The following C15orf40 variants were observed in gnomAD, a reference collection of about 807,000 sequenced individuals.
C15orf40 encodes UPF0235 protein C15orf40.
C15orf40 carries 9 observed loss-of-function variants against 13.9 expected under a neutral mutation model. The observed-to-expected ratio is 0.65, with a 90% CI of 0.39 to 1.13. The LOEUF (loss-of-function observed/expected upper bound fraction) is 1.13. Among genes scored for constraint, C15orf40 ranks in the 50% most tolerant of loss-of-function variants. The pLI is 0.01. For synonymous variants in C15orf40, 95 were observed against 69.2 expected, an observed-to-expected ratio of 1.37 and a Z score of -1.85; for missense variants, 225 against 188.5, an observed-to-expected ratio of 1.19 and a Z score of -1.13.
chr15:83,004,388 A>G lies in C15orf40; in HGVS notation c.*1209T>C, dbSNP rs974347318. On this transcript the variant is annotated 3_prime_UTR_variant, in exon 4 of 4. Transcript: ENST00000304177. ...TGGACAAAGCGCACAACTGCAGATC[A>G]GCTCTCCTGATCAGCAAAGGAAATT... 1 of 983,490 alleles carries G rather than the reference A, an allele frequency of 1.0e-6. No individual in the cohort carries two copies. The highest frequency in any genetic ancestry group is 1.7e-5 in the African/African-American group (1 of 57,228). 60.9% of individuals were successfully genotyped at this position (983,490 alleles called of 1,614,324 possible). A position where few individuals can be genotyped will look rare whatever the true frequency, so the allele number is the denominator to read the frequency against.
chr15:83,001,374 T>G lies in C15orf40; in HGVS notation c.*4223A>C. On this transcript the variant is annotated 3_prime_UTR_variant, in exon 4 of 4. Coordinates refer to ENST00000304177, the MANE Select transcript of C15orf40 (RefSeq NM_144597.3). ...TGTTTGCACAAGTAATTATCATTTA[T>G]TAAGGTGCGGGTGATAGATGACAGA... 1.2e-6 allele frequency: 1 copy of G among 861,974 alleles called. No homozygotes were observed. Among genetic ancestry groups the G allele is most frequent in the Non-Finnish European group, 1.4e-6 (1 of 717,540 alleles). The allele number at this position is 861,974 out of a possible 1,614,324, so 53.4% of individuals were successfully genotyped here.
Position 83,003,759 on chromosome 15 carries a change from CTTTT to C in C15orf40, c.*1834_*1837del, listed in dbSNP as rs1016936822. 7.2e-5 allele frequency: 11 copies of C among 152,008 alleles called. No homozygotes were observed. Among genetic ancestry groups the C allele is most frequent in the Admixed American group, 3.3e-4 (5 of 15,246 alleles). The allele number at this position is 152,008 out of a possible 1,614,324, so 9.4% of individuals were successfully genotyped here. A position where few individuals can be genotyped will look rare whatever the true frequency, so the allele number is the denominator to read the frequency against. On this transcript the variant is annotated 3_prime_UTR_variant, in exon 4 of 4. Coordinates refer to ENST00000304177, the MANE Select transcript of C15orf40 (RefSeq NM_144597.3). ...TTTCACTGTCTGGGATTTTTTCTTTCTTTTTGAGACGGAGTCTCACTCTTGTCGC... is the reference window on the plus strand; with the variant it reads ...TTTCACTGTCTGGGATTTTTTCTTTCTGAGACGGAGTCTCACTCTTGTCGC...
At position 83,008,744 on chromosome 15, in the gene C15orf40, TAA is replaced by T. The variant is rs1261256547; in HGVS notation, c.239-71_239-70del. ...TTCTTCATGAAGCAAGGACATTTTG[TAA>T]AAGAGTTTTTGCATTTGCCTGGCAC... On this transcript the variant is annotated intron_variant, in intron 2 of 3. Coordinates refer to ENST00000304177, the MANE Select transcript of C15orf40 (RefSeq NM_144597.3). 4.0e-6 allele frequency: 6 copies of T among 1,496,996 alleles called. No individual in the cohort carries two copies. The East Asian group carries it at 6.9e-5, about 17-fold the overall frequency. 92.7% of individuals were successfully genotyped at this position (1,496,996 alleles called of 1,614,324 possible). A position where few individuals can be genotyped will look rare whatever the true frequency, so the allele number is the denominator to read the frequency against.
downstream of C15orf40, chr15:82,989,085 G>A (rs751845546): frequency 6.2e-7 from 1 of 1,613,736 alleles, no homozygotes; most frequent in African/African-American, 1.3e-5. Flanking sequence ...CACAGAAAAT[G>A]ACAAGGAGTA....
rs1183091625 is a variant in C15orf40, at chr15:82,997,150, G to A, written c.*8447C>T. The A allele has an allele frequency of 6.7e-6, 1 of 149,310 alleles. No homozygotes were observed. The highest frequency in any genetic ancestry group is 1.5e-5 in the Non-Finnish European group (1 of 67,430). 9.2% of individuals were successfully genotyped at this position (149,310 alleles called of 1,614,324 possible). ...TCATACCGTTTTCAGCCTCTTCTCT[G>A]TTGCACTGTTTCCAACATGGTCTTT... On this transcript the variant is annotated 3_prime_UTR_variant, in exon 4 of 4. Transcript: ENST00000304177.
At chr15:82,994,335 G>GT (rs1422640782), downstream of C15orf40, among the ~76,000 whole-genome samples, 1 of 146,166 alleles carries the variant, frequency 6.8e-6, no homozygotes, top group Non-Finnish European at 1.5e-5. Context: ...TAAATATAAT[G>GT]TTTTTTAAAA....
chr15:82,998,831 G>A lies in C15orf40; in HGVS notation c.*6766C>T, dbSNP rs1309310692. 2 of 87,168 alleles carry A rather than the reference G, an allele frequency of 2.3e-5. No individual in the cohort carries two copies. The highest frequency in any genetic ancestry group is 3.4e-4 in the East Asian group (1 of 2,918). 5.4% of individuals were successfully genotyped at this position (87,168 alleles called of 1,614,324 possible). ...AGGCCAAGGCAGGCGGCTGGGAGGT[G>A]TAGGTTGTAGTGAGCCGAGATCACG... On this transcript the variant is annotated 3_prime_UTR_variant, in exon 4 of 4. Transcript: ENST00000304177.
At chr15:82,992,253 C>G (rs1243400518), downstream of C15orf40, among the ~76,000 whole-genome samples, 1 of 152,068 alleles carries the variant, frequency 6.6e-6, no homozygotes, top group Non-Finnish European at 1.5e-5. Flanking sequence ...CGGTGGCTCA[C>G]AGTTGTAATC....
downstream of C15orf40, among the ~76,000 whole-genome samples, chr15:82,994,672 A>T (rs1454839245): frequency 1.3e-5 from 2 of 152,166 alleles, no homozygotes; most frequent in Non-Finnish European, 2.9e-5. Context: ...ATTATATGTA[A>T]ACTATTCACT....
downstream of C15orf40, among the ~76,000 whole-genome samples, chr15:82,989,406 TTTG>T (rs1349931337): frequency 2.6e-5 from 4 of 152,268 alleles, no homozygotes; most frequent in African/African-American, 9.6e-5. Flanking sequence ...CGTGTGTTTT[TTTG>T]TTTTTAGATG....
At chr15:82,988,994 C>T (rs781123458), downstream of C15orf40, 5 of 1,573,868 alleles carry the variant, frequency 3.2e-6, no homozygotes, top group Non-Finnish European at 4.3e-6. Flanking sequence ...ATGGAAATGT[C>T]TTTAAAATTG....
In C15orf40 at chr15:83,000,318, T is replaced by C. The variant is rs2031363072; in HGVS notation, c.*5279A>G. 1 of 152,266 alleles carries C rather than the reference T, an allele frequency of 6.6e-6. No homozygotes were observed. Among genetic ancestry groups the C allele is most frequent in the East Asian group, 1.9e-4 (1 of 5,204 alleles). The allele number at this position is 152,266 out of a possible 1,614,324, so 9.4% of individuals were successfully genotyped here. ...TCCATTTTCAGAAACACTGGCTACG[T>C]GGATTTCTGAAACCTGCAGAGTTAA... On this transcript the variant is annotated 3_prime_UTR_variant, in exon 4 of 4. Coordinates refer to ENST00000304177, the MANE Select transcript of C15orf40 (RefSeq NM_144597.3).
intron 2 of C15orf40, 75 bp downstream of exon 2, chr15:83,010,162 A>G (rs1358510439): frequency 2.5e-6 from 4 of 1,575,240 alleles, no homozygotes; most frequent in Middle Eastern, 1.8e-4. Context: ...ATAAGCTTTC[A>G]GCTAACCAAA....
At position 83,001,498 on chromosome 15, in the gene C15orf40, G is replaced by A. The variant is rs1290702816; in HGVS notation, c.*4099C>T. 1 of 166,916 alleles carries A rather than the reference G, an allele frequency of 6.0e-6. No homozygotes were observed. The highest frequency in any genetic ancestry group is 6.5e-5 in the Admixed American group (1 of 15,300). 10.3% of individuals were successfully genotyped at this position (166,916 alleles called of 1,614,324 possible). ...ATCCAGGATTCTCAGGACAGCACAGGACAAGAAAGACAGTGTAATCAAGTC... is the reference window on the plus strand; with the variant it reads ...ATCCAGGATTCTCAGGACAGCACAGAACAAGAAAGACAGTGTAATCAAGTC... On this transcript the variant is annotated 3_prime_UTR_variant, in exon 4 of 4. Coordinates refer to ENST00000304177, the MANE Select transcript of C15orf40 (RefSeq NM_144597.3).
Position 83,005,133 on chromosome 15 carries a change from T to C in C15orf40, c.*464A>G, listed in dbSNP as rs571648123. ...GGATTTTAGAACCTGATGCAATGTATAGCACTTTTTAAATTTCTACTTTTT... is the reference window on the plus strand; with the variant it reads ...GGATTTTAGAACCTGATGCAATGTACAGCACTTTTTAAATTTCTACTTTTT... On this transcript the variant is annotated 3_prime_UTR_variant, in exon 4 of 4. Coordinates refer to ENST00000304177, the MANE Select transcript of C15orf40 (RefSeq NM_144597.3). The C allele has an allele frequency of 2.8e-4, 303 of 1,081,522 alleles. 1 individual carries two copies. In the South Asian group the frequency reaches 7.7e-3, roughly 28 times the overall value. The allele number at this position is 1,081,522 out of a possible 1,614,324, so 67.0% of individuals were successfully genotyped here. A position where few individuals can be genotyped will look rare whatever the true frequency, so the allele number is the denominator to read the frequency against.
At chr15:82,989,919 G>T, downstream of C15orf40, 7 of 1,612,854 alleles carry the variant, frequency 4.3e-6, no homozygotes, top group Non-Finnish European at 5.9e-6. Context: ...AGGGACAACA[G>T]ATGGGGGTGG....
At position 83,011,508 on chromosome 15, in the gene C15orf40, C is replaced by T. The variant is rs2032012177; in HGVS notation, c.100G>A (p.Ala34Thr). 2 of 1,606,242 alleles carry T rather than the reference C, an allele frequency of 1.2e-6. No homozygotes were observed. Among genetic ancestry groups the T allele is most frequent in the Non-Finnish European group, 1.7e-6 (2 of 1,178,048 alleles). The stretch of plus-strand genomic sequence containing the variant: ...GACCTGCTACTGGCCTTGGTCGTCG[C>T]ACCAGCCTTCTTAGGCATCTCGGCG... ...LCAEMPKKAG[A>T]TTKGKSQSKE... The change falls in exon 1 of 4, where the codon GCG becomes ACG. Residue 34 changes from alanine (A) to threonine (T), a missense_variant. By Grantham distance (58) the Ala-to-Thr change is moderately conservative (BLOSUM62 0). Transcript: ENST00000304177.
At chr15:82,989,886 A>C (rs2030785172), downstream of C15orf40, 1 of 1,612,838 alleles carries the variant, frequency 6.2e-7, no homozygotes. Context: ...TGTAGGTTGC[A>C]AGACAACAGA....
At position 82,995,308 on chromosome 15, in the gene C15orf40, C is replaced by G. The variant is rs1045398903; in HGVS notation, c.*10289G>C. On this transcript the variant is annotated 3_prime_UTR_variant, in exon 4 of 4. Coordinates refer to ENST00000304177, the MANE Select transcript of C15orf40 (RefSeq NM_144597.3). Reference sequence around the variant, plus strand: ...TGCCCAGGATGAGGAATAAGTGACACTTCAGCTGTCGTGACACTGCTGAGG... The same window carrying G: ...TGCCCAGGATGAGGAATAAGTGACAGTTCAGCTGTCGTGACACTGCTGAGG... The G allele has an allele frequency of 5.9e-5, 9 of 152,284 alleles. No individual in the cohort carries two copies. The highest frequency in any genetic ancestry group is 1.9e-4 in the East Asian group (1 of 5,206). 9.4% of individuals were successfully genotyped at this position (152,284 alleles called of 1,614,324 possible). A position where few individuals can be genotyped will look rare whatever the true frequency, so the allele number is the denominator to read the frequency against.
Sources: allele counts gnomAD v4.1 joint callset (sites outside exome capture counted in the v4.1 genomes callset), GRCh38; gene constraint gnomAD v4.1.1; transcripts MANE v1.5; gene names NCBI Gene and HGNC (gene_info 2026-07-23, HGNC 2026-07-21).